The following C9orf50 variants were observed in gnomAD, a reference collection of about 807,000 sequenced individuals.
C9orf50 encodes the protein chromosome 9 open reading frame 50.
In C9orf50, 33 loss-of-function variants were observed where a neutral mutation model predicts 42.5. The observed-to-expected ratio is 0.78, with a 90% CI of 0.59 to 1.04. The LOEUF (loss-of-function observed/expected upper bound fraction) is 1.04. C9orf50 is among the 50% of genes least tolerant of loss of function. The pLI, the probability that C9orf50 is intolerant of heterozygous loss-of-function variation, is 0.00. For synonymous variants in C9orf50, 257 were observed against 273.4 expected, an observed-to-expected ratio of 0.94 and a Z score of 0.59; for missense variants, 547 against 594.3, an observed-to-expected ratio of 0.92 and a Z score of 0.83.
chr9:129,620,429 G>C lies in C9orf50; in HGVS notation c.146C>G (p.Ser49Cys). ...GCCCCCCGGGATCCTCCAGTCCCCG[G>C]AGCCCCGCGCGCCCAGAGCCGCTCG... is the stretch of plus-strand genomic sequence containing the variant. Residue 49 changes from serine (S) to cysteine (C), a missense_variant, in exon 1 of 7, where the codon TCC (serine) becomes TGC (cysteine). Around this residue, in one of 3 missense-constraint regions of C9orf50, gnomAD observed 105 missense variants for 98.5 expected, o/e 1.07. Transcript: ENST00000372478. The surrounding 1 kb of genome is among the most constrained non-coding windows in gnomAD (Gnocchi z 5.8). The C allele has an allele frequency of 1.6e-6, 2 of 1,264,704 alleles. No individual in the cohort carries two copies. Among genetic ancestry groups the C allele is most frequent in the Non-Finnish European group, 2.0e-6 (2 of 1,004,980 alleles). The allele number at this position is 1,264,704 out of a possible 1,614,324, so 78.3% of individuals were successfully genotyped here. A position where few individuals can be genotyped will look rare whatever the true frequency, so the allele number is the denominator to read the frequency against.
rs1009596781 is a variant in C9orf50 at position 129,613,938 on chromosome 9, G to A, written c.881-341C>T. On this transcript the variant is annotated intron_variant, in intron 4 of 6. Coordinates refer to ENST00000372478, the Ensembl canonical transcript of C9orf50. This position sits in a 1 kb window ranked among gnomAD's most constrained non-coding sequence, Gnocchi z 6.2. ...GAGGGCTTCAGGGAGGGCTGTCTCA[G>A]GGATGGGGGCTCTTCCTGTCCAACA... 6.6e-6 allele frequency among the ~76,000 whole-genome samples: 1 copy of A among 152,194 alleles called. No homozygotes were observed. The highest frequency in any genetic ancestry group is 2.4e-5 in the African/African-American group (1 of 41,446).
Position 129,613,301 on chromosome 9 carries a change from C to G in C9orf50, c.1044-50G>C, listed in dbSNP as rs774967217. On this transcript the variant is annotated intron_variant, in intron 5 of 6. Transcript: ENST00000372478. This position sits in a 1 kb window ranked among gnomAD's most constrained non-coding sequence, Gnocchi z 6.2. Reference sequence around the variant, plus strand: ...CTTCCTGGACTCTGAGTCCCCGGCCCACCCATGGCTGGCAGGGCCCTTGAG... The same window carrying G: ...CTTCCTGGACTCTGAGTCCCCGGCCGACCCATGGCTGGCAGGGCCCTTGAG... 1 of 1,568,680 alleles carries G rather than the reference C, an allele frequency of 6.4e-7. No homozygotes were observed. The highest frequency in any genetic ancestry group is 8.6e-7 in the Non-Finnish European group (1 of 1,156,116).
intron 3 of C9orf50, among the ~76,000 whole-genome samples, chr9:129,617,455 AC>A (rs1243150892): frequency 2.6e-5 from 4 of 152,230 alleles, no homozygotes; most frequent in African/African-American, 9.6e-5. Flanking sequence ...GTTCTGAGGC[AC>A]CACAGTGTCC....
At chr9:129,617,739 AG>A (rs928703796) in intron 3 of C9orf50, among the ~76,000 whole-genome samples, 2 of 152,246 alleles carry the variant, frequency 1.3e-5, no homozygotes, top group African/African-American at 4.8e-5. Flanking sequence ...GCTGGAGTGC[AG>A]TGGCACGATC....
rs755007331 is a variant in C9orf50, at chr9:129,613,254, G to C, written c.1044-3C>G. 3.7e-6 allele frequency: 6 copies of C among 1,600,240 alleles called. No individual in the cohort carries two copies. In the South Asian group the frequency reaches 6.7e-5, roughly 18 times the overall value. On this transcript the variant is annotated splice_region_variant and splice_polypyrimidine_tract_variant and intron_variant, in intron 5 of 6. Transcript: ENST00000372478. This position sits in a 1 kb window ranked among gnomAD's most constrained non-coding sequence, Gnocchi z 6.2. ...AGCCCTGTGTCTTCTGGGTGGACCT[G>C]GGGGAGACAGGACCCCATGAGCTTC... is the stretch of plus-strand genomic sequence containing the variant.
chr9:129,615,402 C>T (rs1172592750), intron 4 of C9orf50, 82 bp downstream of exon 4: 4 of 1,422,788 alleles, frequency 2.8e-6, no homozygotes, highest in Non-Finnish European at 3.7e-6. Context: ...GTCCCTCACT[C>T]TAGGGGCCCG....
chr9:129,615,365 A>T, intron 4 of C9orf50, 119 bp downstream of exon 4: 1 of 1,093,876 alleles, frequency 9.1e-7, no homozygotes, highest in Non-Finnish European at 1.3e-6. Flanking sequence ...CTGCAGGATC[A>T]CTGATCTCTT....
chr9:129,613,382 G>C lies in C9orf50; in HGVS notation c.1043+53C>G. On this transcript the variant is annotated intron_variant, in intron 5 of 6. Transcript: ENST00000372478. This position sits in a 1 kb window ranked among gnomAD's most constrained non-coding sequence, Gnocchi z 6.2. The stretch of plus-strand genomic sequence containing the variant: ...GTGGGGAGGTCTGTAGGCAAGGGGG[G>C]TGGAGGGCCCTGGCAATGTCCACGA... The C allele has an allele frequency of 1.9e-6, 3 of 1,598,458 alleles. No individual in the cohort carries two copies. Among genetic ancestry groups the C allele is most frequent in the Admixed American group, 3.4e-5 (2 of 59,138 alleles).
upstream of C9orf50, chr9:129,620,898 A>C (rs1830676034): frequency 3.6e-6 from 1 of 281,522 alleles, no homozygotes; most frequent in Non-Finnish European, 6.6e-6. This position sits in a 1 kb window ranked among gnomAD's most constrained non-coding sequence, Gnocchi z 5.8. Context: ...TTACACATAG[A>C]CTAGCTGCCA....
At chr9:129,612,338 C>T (rs771086532) in exon 7 of C9orf50, 12 of 1,610,400 alleles carry the variant, frequency 7.5e-6, no homozygotes, top group Non-Finnish European at 6.8e-6. Flanking sequence ...GCCTTGGGTT[C>T]GCGAGTGTTC....
intron 3 of C9orf50, 57 bp from the exon 4 acceptor site, chr9:129,615,704 C>T (rs926869474): frequency 1.4e-5 from 21 of 1,466,418 alleles, no homozygotes; most frequent in South Asian, 2.8e-5. Context: ...CCAGCACACA[C>T]GCACCAGCCC....
Position 129,620,520 on chromosome 9 carries a change from G to A in C9orf50, c.55C>T (p.Pro19Ser), listed in dbSNP as rs1324654988. ...CTGCGTCGGAAGTCTCCGTCGCCAGGGAGCCCCTTGGGCGCCAGGTCCTGG... is the reference window on the plus strand; with the variant it reads ...CTGCGTCGGAAGTCTCCGTCGCCAGAGAGCCCCTTGGGCGCCAGGTCCTGG... The change falls in exon 1 of 7, where the codon CCT becomes TCT. Residue 19 changes from proline to serine, a missense_variant. Transcript: ENST00000372478. The surrounding 1 kb of genome is among the most constrained non-coding windows in gnomAD (Gnocchi z 5.8). 1.4e-6 allele frequency: 2 copies of A among 1,445,006 alleles called. No individual in the cohort carries two copies. Among genetic ancestry groups the A allele is most frequent in the East Asian group, 2.8e-5 (1 of 35,974 alleles). 89.5% of individuals were successfully genotyped at this position (1,445,006 alleles called of 1,614,324 possible).
At position 129,613,313 on chromosome 9, in the gene C9orf50, G is replaced by C. The variant is rs1048695724; in HGVS notation, c.1044-62C>G. On this transcript the variant is annotated intron_variant, in intron 5 of 6. Transcript: ENST00000372478. The surrounding 1 kb of genome is among the most constrained non-coding windows in gnomAD (Gnocchi z 6.2). Reference sequence around the variant, plus strand: ...TGAGTCCCCGGCCCACCCATGGCTGGCAGGGCCCTTGAGGACCCACACTGG... The same window carrying C: ...TGAGTCCCCGGCCCACCCATGGCTGCCAGGGCCCTTGAGGACCCACACTGG... 3 of 1,565,626 alleles carry C rather than the reference G, an allele frequency of 1.9e-6. No individual in the cohort carries two copies. The African/African-American group carries it at 4.1e-5, about 21-fold the overall frequency.
chr9:129,615,345 G>A (rs2275898), intron 4 of C9orf50, 139 bp downstream of exon 4: 48,057 of 950,514 alleles, frequency 0.051, 1,484 homozygotes, highest in South Asian at 0.1. Context: ...GGCCAGTTCA[G>A]GCACATCCTC....
Position 129,613,411 on chromosome 9 carries a change from C to A in C9orf50, c.1043+24G>T, listed in dbSNP as rs1385910063. On this transcript the variant is annotated intron_variant, in intron 5 of 6. Transcript: ENST00000372478. The surrounding 1 kb of genome is among the most constrained non-coding windows in gnomAD (Gnocchi z 6.2). ...AGGGCCCTGGCAATGTCCACGAGTC[C>A]CATCCGCTTCCCTGGAGCCTCACAG... 6.2e-7 allele frequency: 1 copy of A among 1,610,582 alleles called. No homozygotes were observed.
chr9:129,621,092 G>A (rs567251562), upstream of C9orf50, among the ~76,000 whole-genome samples: 32 of 152,320 alleles, frequency 2.1e-4, no homozygotes, highest in African/African-American at 7.0e-4. Context: ...CCGCATCACC[G>A]CTGGTAGAGA....
exon 7 of C9orf50, chr9:129,612,344 T>C (rs1295523986): frequency 6.2e-7 from 1 of 1,612,658 alleles, no homozygotes; most frequent in Non-Finnish European, 8.5e-7. Context: ...GGTTCGCGAG[T>C]GTTCACCTCT....
intron 3 of C9orf50, among the ~76,000 whole-genome samples, chr9:129,616,779 G>T (rs866672404): frequency 6.6e-6 from 1 of 151,970 alleles, no homozygotes; most frequent in Non-Finnish European, 1.5e-5. Context: ...TCCATTTATT[G>T]TTATTAATTT....
intron 1 of C9orf50, 35 bp from the exon 2 acceptor site, chr9:129,619,865 T>C: frequency 6.2e-7 from 1 of 1,606,236 alleles, no homozygotes. Context: ...GAGCCTTGGC[T>C]GGGGGACGGT....
Sources: allele counts gnomAD v4.1 joint callset (sites outside exome capture counted in the v4.1 genomes callset), GRCh38; gene constraint gnomAD v4.1.1; regional missense constraint gnomAD v4.1.1; non-coding constraint Gnocchi (gnomAD v3.1); transcripts MANE v1.5; gene names NCBI Gene and HGNC (gene_info 2026-07-23, HGNC 2026-07-21).